FGF14: variants seen among roughly 807,000 people sequenced by gnomAD.
FGF14 encodes fibroblast growth factor 14, also known as fibroblast growth factor homologous factor 4.
Under a neutral mutation model 25.5 loss-of-function variants are expected in FGF14, and 5 were observed. The observed-to-expected ratio is 0.20, with a 90% CI of 0.10 to 0.41. The LOEUF (loss-of-function observed/expected upper bound fraction) is 0.41, where lower values mean the gene tolerates loss of function less well. FGF14 is among the 10% of genes least tolerant of loss of function. FGF14 has a pLI of 1.00. For missense variants in FGF14, 222 were observed against 320.1 expected, an observed-to-expected ratio of 0.69 and a Z score of 2.34; for synonymous variants, 138 against 118.3, an observed-to-expected ratio of 1.17 and a Z score of -1.08.
At chr13:101,823,844 C>A (rs1379455389) in intron 3 of FGF14, among the ~76,000 whole-genome samples, 2 of 149,234 alleles carry the variant, frequency 1.3e-5, no homozygotes, top group Non-Finnish European at 3.0e-5. Context: ...AAAATAGTAT[C>A]TATATTTAGT....
intron 1 of FGF14, among the ~76,000 whole-genome samples, chr13:102,055,751 A>T (rs1595126266): frequency 1.3e-5 from 2 of 152,332 alleles, no homozygotes; most frequent in South Asian, 4.1e-4. Context: ...CTATTTTTGC[A>T]AATAAAGCTT....
intron 4 of FGF14, among the ~76,000 whole-genome samples, chr13:101,724,115 G>A (rs1421350662): frequency 1.3e-5 from 2 of 152,016 alleles, no homozygotes; most frequent in Non-Finnish European, 2.9e-5. Context: ...TATCCTGAAA[G>A]CACATTCCAA....
chr13:102,325,679 T>C (rs530381414), intron 1 of FGF14, among the ~76,000 whole-genome samples: 3 of 152,322 alleles, frequency 2.0e-5, no homozygotes, highest in Non-Finnish European at 1.5e-5. Context: ...CCCAGTTACC[T>C]AAGCTTTATT....
At chr13:102,085,322 C>A (rs1373172165) in intron 1 of FGF14, among the ~76,000 whole-genome samples, 1 of 152,116 alleles carries the variant, frequency 6.6e-6, no homozygotes, top group Non-Finnish European at 1.5e-5. Context: ...GTACTTAATC[C>A]AAGTTCATTG....
intron 1 of FGF14, among the ~76,000 whole-genome samples, chr13:102,396,099 TAACTA>T (rs1215092838): frequency 6.6e-6 from 1 of 152,054 alleles, no homozygotes; most frequent in Non-Finnish European, 1.5e-5. Context: ...GTTCAACACA[TAACTA>T]AACCTTGTAC....
Position 102,064,235 on chromosome 13 carries a change from C to G in FGF14, c.209-188939G>C, listed in dbSNP as rs529109447. 7.2e-5 allele frequency among the ~76,000 whole-genome samples: 11 copies of G among 152,100 alleles called. No individual in the cohort carries two copies. In the South Asian group the frequency reaches 1.9e-3, roughly 26 times the overall value. On this transcript the variant is annotated intron_variant, in intron 1 of 4. Transcript: ENST00000376131. ...ATTTTCTGTCCCAGTTTTATGCCTG[C>G]TGGTACTTTAGTTCTTCACAGAAAA...
intron 1 of FGF14, among the ~76,000 whole-genome samples, chr13:102,047,963 G>A (rs1204974185): frequency 6.6e-6 from 1 of 151,520 alleles, no homozygotes; most frequent in African/African-American, 2.4e-5. Flanking sequence ...AGTTGGTATG[G>A]TGCCAGTTCC....
intron 3 of FGF14, among the ~76,000 whole-genome samples, chr13:101,782,561 T>G (rs1448084638): frequency 6.6e-6 from 1 of 152,122 alleles, no homozygotes; most frequent in Non-Finnish European, 1.5e-5. Flanking sequence ...CTGAAAGACC[T>G]CAGTGTCCGT....
At chr13:102,068,304 G>A (rs2042987911) in intron 1 of FGF14, among the ~76,000 whole-genome samples, 1 of 152,224 alleles carries the variant, frequency 6.6e-6, no homozygotes. Flanking sequence ...AGAGGTGACA[G>A]CGTGCTGGCA....
intron 1 of FGF14, among the ~76,000 whole-genome samples, chr13:102,348,868 C>T (rs967125402): frequency 6.6e-6 from 1 of 152,158 alleles, no homozygotes; most frequent in African/African-American, 2.4e-5. Context: ...TCTCTAACCT[C>T]GTTTGCATGC....
intron 1 of FGF14, among the ~76,000 whole-genome samples, chr13:102,291,822 T>C (rs1594749904): frequency 6.6e-6 from 1 of 152,170 alleles, no homozygotes; most frequent in Non-Finnish European, 1.5e-5. Context: ...TCCAATGCTC[T>C]GGTTTTTACC....
intron 3 of FGF14, among the ~76,000 whole-genome samples, chr13:101,824,344 C>A (rs979984144): frequency 2.6e-5 from 4 of 152,074 alleles, no homozygotes; most frequent in Non-Finnish European, 5.9e-5. Flanking sequence ...CGCGCGTGCA[C>A]GCTTACCATT....
intron 1 of FGF14, among the ~76,000 whole-genome samples, chr13:102,252,012 A>G (rs1454778625): frequency 2.0e-5 from 3 of 152,228 alleles, no homozygotes; most frequent in Non-Finnish European, 4.4e-5. Context: ...ATGCTGTACC[A>G]GTCCAGTCAC....
intron 3 of FGF14, among the ~76,000 whole-genome samples, chr13:101,788,935 GAGAGAGAGAGAGAC>G (rs1489658305): frequency 0.016 from 940 of 59,176 alleles, 9 homozygotes; most frequent in South Asian, 0.023. Flanking sequence ...GAGAGAGAGA[GAGAGAGAGAGAGAC>G]AGAGAGAGAG....
chr13:102,267,846 T>C (rs542317752), intron 1 of FGF14, among the ~76,000 whole-genome samples: 2 of 152,098 alleles, frequency 1.3e-5, no homozygotes, highest in East Asian at 3.8e-4. Context: ...AGAAATTGTA[T>C]ACAGTTAATC....
rs117374532 is a variant in FGF14 at position 101,726,985 on chromosome 13, A to G, written c.409-175T>C. 4.1e-3 allele frequency among the ~76,000 whole-genome samples: 623 copies of G among 152,240 alleles called. 3 individuals are homozygous for G. Among genetic ancestry groups the G allele is most frequent in the Non-Finnish European group, 6.1e-3 (415 of 68,010 alleles). ...TATACATTTTTAAAATATACAATAA[A>G]TTGAGAAGAACCTACTATTATTGAA... On this transcript the variant is annotated intron_variant, in intron 3 of 4. Coordinates refer to ENST00000376143, the MANE Select transcript of FGF14 (RefSeq NM_004115.4).
chr13:101,892,115 A>AAAAT (rs745541557), intron 1 of FGF14, among the ~76,000 whole-genome samples: 1 of 152,194 alleles, frequency 6.6e-6, no homozygotes, highest in Non-Finnish European at 1.5e-5. Flanking sequence ...CATAGCAAGG[A>AAAAT]AAATAAAATA....
At chr13:102,326,659 G>A (rs1020413502) in intron 1 of FGF14, among the ~76,000 whole-genome samples, 15 of 90,318 alleles carry the variant, frequency 1.7e-4, no homozygotes, top group East Asian at 3.0e-4. Flanking sequence ...AGAAGGGAGG[G>A]GAAGGGAGGG....
rs927543709 is a variant in FGF14 at position 102,243,421 on chromosome 13, G to A, written c.208+158050C>T. Among the ~76,000 whole-genome samples, 4 of 152,146 alleles carry A rather than the reference G, an allele frequency of 2.6e-5. 1 individual carries two copies. ...AAAGTCCAAAATAGATTATGTAACTGTATAAACCCAAGTCACTGGTGATAA... is the reference window on the plus strand; with the variant it reads ...AAAGTCCAAAATAGATTATGTAACTATATAAACCCAAGTCACTGGTGATAA... On this transcript the variant is annotated intron_variant, in intron 1 of 4. Transcript: ENST00000376131.
Sources: gnomAD v4.1 joint callset for allele counts (sites outside exome capture counted in the v4.1 genomes callset) on GRCh38, gnomAD v4.1.1 for gene constraint, MANE v1.5 for transcripts, NCBI Gene and HGNC (gene_info 2026-07-23, HGNC 2026-07-21) for gene names.